The following ST18 variants were observed in gnomAD, a reference collection of about 807,000 sequenced individuals.
ST18 encodes the protein ST18 C2H2C-type zinc finger transcription factor, also known as suppression of tumorigenicity 18 protein.
In ST18, 50 loss-of-function variants were observed where a neutral mutation model predicts 110.0. The ratio of observed to expected loss-of-function variants is 0.45; its 90% confidence interval spans 0.36 to 0.58. The LOEUF (loss-of-function observed/expected upper bound fraction) is 0.58. Ranked by LOEUF, ST18 falls within the 20% of genes least tolerant of loss-of-function variation. The pLI is 0.00. For synonymous variants in ST18, 461 were observed against 452.4 expected (o/e 1.02, Z -0.24); for missense variants, 1,306 against 1,280.1 (o/e 1.02, Z -0.31).
At chr8:52,355,087 A>T (rs555517762) in intron 2 of ST18, among the ~76,000 whole-genome samples, 1 of 152,098 alleles carries the variant, frequency 6.6e-6, no homozygotes, top group Non-Finnish European at 1.5e-5. Context: ...TTCTCACCAC[A>T]ACTCCCTCCC....
chr8:52,344,252 A>AT (rs11412964), intron 2 of ST18, among the ~76,000 whole-genome samples: 149,748 of 152,226 alleles, frequency 0.98, 73,703 homozygotes, highest in Middle Eastern at 1. Context: ...AAGAAGCCTT[A>AT]TTTTTTCAAA....
intron 11 of ST18, among the ~76,000 whole-genome samples, chr8:52,166,284 A>G (rs1291037730): frequency 6.6e-6 from 1 of 152,198 alleles, no homozygotes; most frequent in African/African-American, 2.4e-5. Context: ...GAGAGAATGA[A>G]CAACTTTCCC....
At chr8:52,126,674 G>A (rs1261929851) in intron 22 of ST18, among the ~76,000 whole-genome samples, 1 of 152,170 alleles carries the variant, frequency 6.6e-6, no homozygotes, top group Non-Finnish European at 1.5e-5. Context: ...TTATGGGAAT[G>A]TTTTTAATTT....
intron 8 of ST18, among the ~76,000 whole-genome samples, chr8:52,202,333 G>A (rs2078273263): frequency 2.0e-5 from 3 of 152,094 alleles, no homozygotes; most frequent in Admixed American, 2.0e-4. Context: ...TCATGTACGA[G>A]GCCTACACTG....
At chr8:52,399,498 T>C (rs1345677500) in intron 2 of ST18, among the ~76,000 whole-genome samples, 1 of 152,024 alleles carries the variant, frequency 6.6e-6, no homozygotes, top group Non-Finnish European at 1.5e-5. Context: ...CTCTTTTTTT[T>C]TTAGCTCCTT....
At chr8:52,169,351 T>G (rs368141015) in intron 10 of ST18, among the ~76,000 whole-genome samples, 14 of 152,272 alleles carry the variant, frequency 9.2e-5, no homozygotes, top group African/African-American at 3.1e-4. Context: ...CCACACCTGA[T>G]GTACTCATGT....
intron 8 of ST18, among the ~76,000 whole-genome samples, chr8:52,208,102 G>A (rs1361876513): frequency 6.6e-6 from 1 of 152,206 alleles, no homozygotes; most frequent in Non-Finnish European, 1.5e-5. Flanking sequence ...GATAGTAGCT[G>A]ACATCGAGTA....
At chr8:52,267,756 C>T (rs2094923093) in intron 2 of ST18, among the ~76,000 whole-genome samples, 1 of 152,222 alleles carries the variant, frequency 6.6e-6, no homozygotes, top group Admixed American at 6.5e-5. Context: ...ATTCTCTCAA[C>T]ACACTTCACC....
chr8:52,285,069 G>A (rs2095446291), intron 2 of ST18, among the ~76,000 whole-genome samples: 1 of 152,196 alleles, frequency 6.6e-6, no homozygotes, highest in Non-Finnish European at 1.5e-5. Flanking sequence ...AAGGTGTGGG[G>A]AGAGGCTGAA....
intron 2 of ST18, among the ~76,000 whole-genome samples, chr8:52,379,123 G>T: frequency 7.2e-6 from 1 of 139,412 alleles, no homozygotes. Context: ...TTTTGAGACA[G>T]GGTCTTGCTC....
At chr8:52,201,607 C>CAAAAAAA (rs2077990518) in intron 8 of ST18, among the ~76,000 whole-genome samples, 1 of 132,370 alleles carries the variant, frequency 7.6e-6, no homozygotes, top group South Asian at 2.1e-4. Context: ...TCCTTAGAAA[C>CAAAAAAA]AAAAAACAAA....
At chr8:52,380,549 C>T (rs1461834402) in intron 2 of ST18, among the ~76,000 whole-genome samples, 1 of 152,112 alleles carries the variant, frequency 6.6e-6, no homozygotes, top group Non-Finnish European at 1.5e-5. Flanking sequence ...GAACATCTGT[C>T]TCCTCTCCCT....
chr8:52,401,619 TC>T (rs1484803994), intron 2 of ST18, among the ~76,000 whole-genome samples: 1 of 152,056 alleles, frequency 6.6e-6, no homozygotes, highest in Non-Finnish European at 1.5e-5. Flanking sequence ...AAAATTTTAT[TC>T]ATGGAGTTAT....
At chr8:52,329,720 A>G (rs1410399489) in intron 2 of ST18, among the ~76,000 whole-genome samples, 3 of 152,120 alleles carry the variant, frequency 2.0e-5, no homozygotes, top group Admixed American at 1.3e-4. Context: ...GCACCACTGC[A>G]TCTGCACTCC....
At chr8:52,264,045 C>G (rs560807134) in intron 2 of ST18, among the ~76,000 whole-genome samples, 3 of 151,926 alleles carry the variant, frequency 2.0e-5, no homozygotes, top group Admixed American at 2.0e-4. Flanking sequence ...GTGACCTGCC[C>G]GCCTTGGCCT....
chr8:52,389,308 G>T (rs1158659722), intron 2 of ST18, among the ~76,000 whole-genome samples: 1 of 152,192 alleles, frequency 6.6e-6, no homozygotes, highest in African/African-American at 2.4e-5. Context: ...CGGTGAGGAG[G>T]CTAGCAGTGG....
At chr8:52,122,317 G>A (rs2045250021) in intron 23 of ST18, among the ~76,000 whole-genome samples, 1 of 151,836 alleles carries the variant, frequency 6.6e-6, no homozygotes, top group African/African-American at 2.4e-5. Flanking sequence ...TTTGTATTCT[G>A]TATAATTATG....
intron 2 of ST18, among the ~76,000 whole-genome samples, chr8:52,306,749 G>A (rs2095819411): frequency 1.3e-5 from 2 of 152,262 alleles, no homozygotes; most frequent in South Asian, 4.1e-4. Flanking sequence ...GGGCCCTGAG[G>A]ATCTTGGACT....
At chr8:52,355,246 C>T (rs1013243126) in intron 2 of ST18, among the ~76,000 whole-genome samples, 1 of 152,324 alleles carries the variant, frequency 6.6e-6, no homozygotes, top group African/African-American at 2.4e-5. Context: ...ATGTTCCCAC[C>T]TGGAGCCAGT....
Sources: allele counts gnomAD v4.1 joint callset (sites outside exome capture counted in the v4.1 genomes callset), GRCh38; gene constraint gnomAD v4.1.1; transcripts MANE v1.5; gene names NCBI Gene and HGNC (gene_info 2026-07-23, HGNC 2026-07-21).